The following NCKAP5 variants were observed in gnomAD, a reference collection of about 807,000 sequenced individuals.
The protein encoded by NCKAP5 is nck-associated protein 5.
Under a neutral mutation model 167.0 loss-of-function variants are expected in NCKAP5, and 92 were observed. The ratio of observed to expected loss-of-function variants is 0.55; its 90% CI spans 0.47 to 0.66. The LOEUF (loss-of-function observed/expected upper bound fraction) is 0.66. Among genes scored for constraint, NCKAP5 ranks in the 30% least tolerant of loss-of-function variants. The pLI, the probability that NCKAP5 is intolerant of heterozygous loss-of-function variation, is 0.00. For missense variants in NCKAP5, 2,378 were observed against 2,315.0 expected, an observed-to-expected ratio of 1.03 and a Z score of -0.56; for synonymous variants, 891 against 877.4, an observed-to-expected ratio of 1.02 and a Z score of -0.27.
At chr2:133,303,791 A>G (rs1279055281) in intron 3 of NCKAP5, among the ~76,000 whole-genome samples, 1 of 152,198 alleles carries the variant, frequency 6.6e-6, no homozygotes, top group Non-Finnish European at 1.5e-5. Flanking sequence ...TAAAGAATTC[A>G]CGTGTTACAT....
Position 133,468,132 on chromosome 2 carries a change from T to C in NCKAP5, c.69+49326A>G, listed in dbSNP as rs1416849077. On this transcript the variant is annotated intron_variant, in intron 3 of 19. Transcript: ENST00000409261. ...TGTCAATTTTGGATCTTTCCTGCTT[T>C]CTCTTGTGGGCATTTAGTGCTGTAA... Among the ~76,000 whole-genome samples the C allele has an allele frequency of 4.4e-5, 6 of 136,350 alleles. 2 individuals carry two copies. The highest frequency in any genetic ancestry group is 9.3e-5 in the Non-Finnish European group (6 of 64,752). 89.5% of individuals were successfully genotyped at this position (136,350 alleles called of 152,430 possible).
chr2:133,377,744 G>A (rs1300961545), intron 3 of NCKAP5, among the ~76,000 whole-genome samples: 1 of 152,204 alleles, frequency 6.6e-6, no homozygotes, highest in East Asian at 1.9e-4. Context: ...GAATCTCAAT[G>A]TTCAAAAGAA....
intron 16 of NCKAP5, among the ~76,000 whole-genome samples, chr2:132,773,241 A>C (rs1682245521): frequency 6.6e-6 from 1 of 152,190 alleles, no homozygotes; most frequent in African/African-American, 2.4e-5. Flanking sequence ...GTTACCTCCA[A>C]GCTGCTGTAA....
intron 5 of NCKAP5, among the ~76,000 whole-genome samples, chr2:133,148,423 A>T (rs993942906): frequency 1.2e-4 from 19 of 152,148 alleles, no homozygotes; most frequent in African/African-American, 4.6e-4. Flanking sequence ...CACATTTCAC[A>T]CTCTTAATGT....
chr2:133,538,802 A>G (rs1038523237), intron 2 of NCKAP5, among the ~76,000 whole-genome samples: 1 of 152,074 alleles, frequency 6.6e-6, no homozygotes, highest in African/African-American at 2.4e-5. Flanking sequence ...CAGCTTACAT[A>G]GGATGTTGAT....
chr2:132,982,844 T>C (rs1303543914), intron 7 of NCKAP5, among the ~76,000 whole-genome samples: 1 of 152,202 alleles, frequency 6.6e-6, no homozygotes, highest in African/African-American at 2.4e-5. Flanking sequence ...AGGAACATGA[T>C]TTCTTTCTTT....
chr2:133,562,902 G>C (rs1161439934), intron 1 of NCKAP5, among the ~76,000 whole-genome samples: 1 of 152,142 alleles, frequency 6.6e-6, no homozygotes, highest in African/African-American at 2.4e-5. Context: ...ATGTATCTGA[G>C]AGATTTATTA....
At chr2:132,779,344 T>C (rs1467345162) in intron 15 of NCKAP5, among the ~76,000 whole-genome samples, 1 of 152,158 alleles carries the variant, frequency 6.6e-6, no homozygotes, top group African/African-American at 2.4e-5. Flanking sequence ...CAGGACCATA[T>C]TAAATGGGTC....
the NCKAP5 span, chr2:133,596,002 A>G: frequency 6.6e-6 from 1 of 152,214 alleles, no homozygotes; most frequent in African/African-American, 2.4e-5. Flanking sequence ...ACCTATATAA[A>G]TCTATTATGT....
chr2:132,782,271 TC>T lies in NCKAP5; in HGVS notation c.4539del (p.Lys1514ArgfsTer7). On this transcript the variant is annotated frameshift_variant, in exon 14 of 20. Transcript: ENST00000409261. LOFTEE classifies it high-confidence loss of function. ...CTACTCAGAGCTGGAAGTCTACTCT[TC>T]CGAAAACCAAACCAGCTGGCAAAAG... Reference protein sequence around the residue: ...GPSFASWFGFRKSRLPALSSR... With the variant: ...GPSFASWFGFXKSRLPALSSR... The T allele has an allele frequency of 6.2e-7, 1 of 1,614,052 alleles. No homozygotes were observed.
At chr2:133,215,215 G>A (rs1407583037) in intron 4 of NCKAP5, among the ~76,000 whole-genome samples, 1 of 152,176 alleles carries the variant, frequency 6.6e-6, no homozygotes, top group Non-Finnish European at 1.5e-5. Context: ...GAAAGCTCCT[G>A]TGTGTTCTCT....
At chr2:132,729,826 G>T (rs1690813731) in intron 17 of NCKAP5, among the ~76,000 whole-genome samples, 1 of 152,170 alleles carries the variant, frequency 6.6e-6, no homozygotes, top group Non-Finnish European at 1.5e-5. Flanking sequence ...AGAGCATTTT[G>T]TTTGTGAGGG....
chr2:133,405,460 C>G (rs1688364528), intron 3 of NCKAP5, among the ~76,000 whole-genome samples: 1 of 152,288 alleles, frequency 6.6e-6, no homozygotes, highest in South Asian at 2.1e-4. Context: ...AAATGCAGTA[C>G]TAAGCAGACC....
rs538096894 is a variant in NCKAP5, at chr2:133,495,367, G to A, written c.69+22091C>T. On this transcript the variant is annotated intron_variant, in intron 3 of 19. Coordinates refer to ENST00000409261, the MANE Select transcript of NCKAP5 (RefSeq NM_207363.3). ...GCCTCGAGACTTCCACCCTACACGCGATTCCAAAAGGCAATCTTGATTGCA... is the reference window on the plus strand; with the variant it reads ...GCCTCGAGACTTCCACCCTACACGCAATTCCAAAAGGCAATCTTGATTGCA... Among the ~76,000 whole-genome samples, 18 of 152,090 alleles carry A rather than the reference G, an allele frequency of 1.2e-4. 1 individual carries two copies. In the South Asian group the frequency reaches 2.7e-3, roughly 23 times the overall value.
chr2:132,931,466 A>C (rs1696374038), intron 8 of NCKAP5: 1 of 152,032 alleles, frequency 6.6e-6, no homozygotes, highest in African/African-American at 2.4e-5. Context: ...TGAATCATTC[A>C]TTGTTCAATT....
At chr2:133,538,931 GT>G (rs71412735) in intron 2 of NCKAP5, among the ~76,000 whole-genome samples, 1,841 of 108,318 alleles carry the variant, frequency 0.017, 24 homozygotes, top group Admixed American at 0.05. Context: ...GTTTTTTTGG[GT>G]TTTTTTTTTT....
At chr2:133,280,483 C>T (rs7594464) in intron 4 of NCKAP5, among the ~76,000 whole-genome samples, 45,108 of 151,742 alleles carry the variant, frequency 0.3, 7,179 homozygotes, top group African/African-American at 0.4. Flanking sequence ...CTCGGCTCAC[C>T]GCAACCTCCA....
intron 5 of NCKAP5, among the ~76,000 whole-genome samples, chr2:133,173,971 A>G (rs561133642): frequency 6.7e-6 from 1 of 149,178 alleles, no homozygotes; most frequent in South Asian, 2.2e-4. Context: ...AGAAAAATAC[A>G]TACGCTTTTT....
chr2:133,670,629 T>A, the NCKAP5 span, among the ~76,000 whole-genome samples: 4 of 152,322 alleles, frequency 2.6e-5, no homozygotes, highest in Non-Finnish European at 5.9e-5. Context: ...CCTACCCTCA[T>A]GGGGATAACC....
Sources: allele counts gnomAD v4.1 joint callset (sites outside exome capture counted in the v4.1 genomes callset), GRCh38; gene constraint gnomAD v4.1.1; transcripts MANE v1.5; gene names NCBI Gene and HGNC (gene_info 2026-07-23, HGNC 2026-07-21).